Variants in SNX7 observed in about 807,000 individuals in gnomAD.
The protein encoded by SNX7 is sorting nexin-7.
SNX7 carries 35 observed loss-of-function variants against 48.4 expected under a neutral mutation model. The ratio of observed to expected loss-of-function variants is 0.72; its 90% confidence interval spans 0.55 to 0.96. The LOEUF is 0.96. Among genes scored for constraint, SNX7 ranks in the 40% least tolerant of loss-of-function variants. SNX7 has a pLI of 0.00. For synonymous variants in SNX7, 190 were observed against 190.2 expected, an observed-to-expected ratio of 1.00 and a Z score of 0.01; for missense variants, 553 against 548.9, an observed-to-expected ratio of 1.01 and a Z score of -0.07.
intron 1 of SNX7, among the ~76,000 whole-genome samples, chr1:98,663,261 T>G (rs1649357288): frequency 4.8e-4 from 5 of 10,412 alleles, no homozygotes; most frequent in African/African-American, 1.1e-3. Context: ...TGGTTTTTTT[T>G]TTTTTTTTTT....
chr1:98,691,480 T>C, intron 3 of SNX7, 55 bp from the exon 4 acceptor site: 4 of 1,425,018 alleles, frequency 2.8e-6, no homozygotes, highest in Non-Finnish European at 3.7e-6. Flanking sequence ...GTAGAATTGC[T>C]TATAAACCTA....
At chr1:98,697,354 T>C (rs1296583482) in intron 5 of SNX7, among the ~76,000 whole-genome samples, 1 of 152,076 alleles carries the variant, frequency 6.6e-6, no homozygotes, top group East Asian at 1.9e-4. Context: ...TTTAGAGAAA[T>C]ATGACAGATA....
At chr1:98,687,985 A>G (rs1256864135) in intron 2 of SNX7, among the ~76,000 whole-genome samples, 1 of 152,128 alleles carries the variant, frequency 6.6e-6, no homozygotes, top group Admixed American at 6.5e-5. Context: ...CCCTTGACAC[A>G]TGGGGATTAT....
chr1:98,695,541 A>G lies in SNX7; in HGVS notation c.663A>G (p.Gln221=), dbSNP rs769322376. Reference sequence around the variant, plus strand: ...AGGAACTCTCTTCTCACAAGAAGCAAGGTCCTGGCTTGCTAAGCAGGATGG... The same window carrying G: ...AGGAACTCTCTTCTCACAAGAAGCAGGGTCCTGGCTTGCTAAGCAGGATGG... ...QAWELSSHKK[Q]GPGLLSRMGQ... is the part of the protein sequence containing the mutation. Residue 221 remains glutamine, a synonymous_variant, in exon 5 of 9, where the codon CAA becomes CAG. Transcript: ENST00000306121. The G allele has an allele frequency of 1.9e-6, 3 of 1,613,984 alleles. No homozygotes were observed. The highest frequency in any genetic ancestry group is 2.5e-6 in the Non-Finnish European group (3 of 1,179,964).
At chr1:98,678,717 T>C (rs1303989288) in intron 1 of SNX7, among the ~76,000 whole-genome samples, 2 of 152,282 alleles carry the variant, frequency 1.3e-5, no homozygotes, top group East Asian at 3.9e-4. Flanking sequence ...CAAAATAAAT[T>C]ATGATGTTAA....
chr1:98,671,969 CT>C (rs1242723752), intron 1 of SNX7, among the ~76,000 whole-genome samples: 1 of 151,814 alleles, frequency 6.6e-6, no homozygotes, highest in Non-Finnish European at 1.5e-5. Context: ...AAATTAAAGC[CT>C]TATGTGTAAC....
chr1:98,756,783 C>T (rs980857504), intron 8 of SNX7, among the ~76,000 whole-genome samples: 1 of 152,016 alleles, frequency 6.6e-6, no homozygotes, highest in Admixed American at 6.6e-5. Flanking sequence ...CAGGTAATGT[C>T]TCCCTTCACC....
chr1:98,684,726 G>A (rs1650690863), intron 1 of SNX7, among the ~76,000 whole-genome samples, 159 bp from the exon 2 acceptor site: 1 of 152,118 alleles, frequency 6.6e-6, no homozygotes, highest in Admixed American at 6.6e-5. Flanking sequence ...GGATTTTCAA[G>A]AGGAAACAGA....
At chr1:98,666,878 C>T (rs954280350) in intron 1 of SNX7, among the ~76,000 whole-genome samples, 1 of 152,112 alleles carries the variant, frequency 6.6e-6, no homozygotes. Context: ...GTTAGGAAAC[C>T]CATGTTACAT....
At position 98,759,395 on chromosome 1, in the gene SNX7, T is replaced by G. The variant is rs61786403; in HGVS notation, c.1279-659T>G. Among the ~76,000 whole-genome samples, 851 of 152,094 alleles carry G rather than the reference T, an allele frequency of 5.6e-3. 4 individuals are homozygous for G. Among genetic ancestry groups the G allele is most frequent in the Non-Finnish European group, 9.6e-3 (653 of 67,924 alleles). On this transcript the variant is annotated intron_variant, in intron 8 of 8. Coordinates refer to ENST00000306121, the MANE Select transcript of SNX7 (RefSeq NM_015976.5). ...AGGATCATCCCCAGGCAAAATCAAA[T>G]AGGCCACATTTATGTTTATGTGTTC...
At chr1:98,725,940 G>T (rs1653142160) in intron 7 of SNX7, among the ~76,000 whole-genome samples, 2 of 152,222 alleles carry the variant, frequency 1.3e-5, no homozygotes, top group South Asian at 2.1e-4. Flanking sequence ...CTTTGTCAGG[G>T]CTATTGAGGA....
In SNX7 at chr1:98,679,410, T is replaced by G. The variant is rs534093980; in HGVS notation, c.181-5475T>G. ...CAGCCAAACCATATCACTCCACCCCTGGCGCCTCCCAAATCTCATGTCCTC... is the reference window on the plus strand; with the variant it reads ...CAGCCAAACCATATCACTCCACCCCGGGCGCCTCCCAAATCTCATGTCCTC... On this transcript the variant is annotated intron_variant, in intron 1 of 8. Coordinates refer to ENST00000306121, the MANE Select transcript of SNX7 (RefSeq NM_015976.5). 1.6e-3 allele frequency among the ~76,000 whole-genome samples: 240 copies of G among 152,242 alleles called. 1 individual carries two copies. Among genetic ancestry groups the G allele is most frequent in the African/African-American group, 5.5e-3 (230 of 41,554 alleles).
At chr1:98,740,147 T>A (rs910697349) in intron 8 of SNX7, among the ~76,000 whole-genome samples, 2 of 152,202 alleles carry the variant, frequency 1.3e-5, no homozygotes, top group African/African-American at 4.8e-5. Context: ...AATTTTTTAT[T>A]CTGGTAACAA....
At chr1:98,740,637 A>C (rs529138761) in intron 8 of SNX7, among the ~76,000 whole-genome samples, 2 of 152,276 alleles carry the variant, frequency 1.3e-5, no homozygotes, top group African/African-American at 4.8e-5. Context: ...TCTCACATAA[A>C]AATGTATTTT....
At chr1:98,737,548 C>T (rs946457370) in intron 7 of SNX7, among the ~76,000 whole-genome samples, 5 of 152,040 alleles carry the variant, frequency 3.3e-5, no homozygotes, top group Non-Finnish European at 7.4e-5. Flanking sequence ...TATAAAAATA[C>T]ATATATATGA....
Position 98,673,033 on chromosome 1 carries a change from G to A in SNX7, c.180+11122G>A, listed in dbSNP as rs184274424. Among the ~76,000 whole-genome samples the A allele has an allele frequency of 1.8e-4, 27 of 151,328 alleles. 2 individuals carry two copies. Among genetic ancestry groups the A allele is most frequent in the Admixed American group, 1.1e-3 (17 of 15,228 alleles). On this transcript the variant is annotated intron_variant, in intron 1 of 8. Transcript: ENST00000306121. Reference sequence around the variant, plus strand: ...CCTCCAATTGGCTAATGCTCATGAAGAGTCTGAATAAGACCATACACATGC... The same window carrying A: ...CCTCCAATTGGCTAATGCTCATGAAAAGTCTGAATAAGACCATACACATGC...
chr1:98,753,283 A>G (rs1342330510), intron 8 of SNX7, among the ~76,000 whole-genome samples: 1 of 152,088 alleles, frequency 6.6e-6, no homozygotes, highest in Non-Finnish European at 1.5e-5. Context: ...GGTATGGAAG[A>G]TAAGGAAATC....
At chr1:98,720,658 T>C (rs576154014) in intron 7 of SNX7, among the ~76,000 whole-genome samples, 21 of 152,254 alleles carry the variant, frequency 1.4e-4, no homozygotes, top group African/African-American at 5.1e-4. Context: ...TAAACACAAC[T>C]AAAAATTCAG....
chr1:98,701,790 A>G (rs1651762957), intron 6 of SNX7, 27 bp from the exon 7 acceptor site: 2 of 1,508,368 alleles, frequency 1.3e-6, no homozygotes, highest in Non-Finnish European at 1.8e-6. Flanking sequence ...AGTACAGCCT[A>G]TTTTATCTGT....
Sources: gnomAD v4.1 joint callset for allele counts (sites outside exome capture counted in the v4.1 genomes callset) on GRCh38, gnomAD v4.1.1 for gene constraint, MANE v1.5 for transcripts, NCBI Gene and HGNC (gene_info 2026-07-23, HGNC 2026-07-21) for gene names.